The following VPS50 variants were observed in gnomAD, a reference collection of about 807,000 sequenced individuals.
VPS50 encodes VPS50 subunit of EARP/GARPII complex.
VPS50 carries 70 observed loss-of-function variants against 139.7 expected under a neutral mutation model. The observed-to-expected ratio is 0.50, with a 90% CI of 0.41 to 0.61. The LOEUF is 0.61. Ranked by LOEUF, VPS50 falls within the 20% of genes least tolerant of loss-of-function variation. The pLI is 0.00. For synonymous variants in VPS50, 365 were observed against 376.7 expected (o/e 0.97, Z 0.36); for missense variants, 921 against 1,133.7 (o/e 0.81, Z 2.69).
At chr7:93,278,772 G>C (rs888707908) in intron 12 of VPS50, among the ~76,000 whole-genome samples, 3 of 145,436 alleles carry the variant, frequency 2.1e-5, no homozygotes, top group African/African-American at 7.5e-5. Context: ...ATATACGTGT[G>C]ATAGTAGGTG....
At chr7:93,353,378 T>C (rs935107289) in intron 25 of VPS50, among the ~76,000 whole-genome samples, 13 of 152,214 alleles carry the variant, frequency 8.5e-5, no homozygotes, top group African/African-American at 2.7e-4. Context: ...ATTGTTAACA[T>C]TGTTTAATCA....
At chr7:93,349,547 G>A (rs1406916945) in intron 24 of VPS50, among the ~76,000 whole-genome samples, 2 of 152,254 alleles carry the variant, frequency 1.3e-5, no homozygotes, top group East Asian at 1.9e-4. Flanking sequence ...GGGAGAGATG[G>A]TGGAATCCTG....
intron 12 of VPS50, among the ~76,000 whole-genome samples, chr7:93,282,149 A>G (rs916289075): frequency 6.6e-6 from 1 of 151,862 alleles, no homozygotes; most frequent in Non-Finnish European, 1.5e-5. Context: ...GCTTGCCGTG[A>G]GCTGAGATTG....
At chr7:93,322,670 C>T (rs1797652306) in intron 20 of VPS50, among the ~76,000 whole-genome samples, 1 of 151,114 alleles carries the variant, frequency 6.6e-6, no homozygotes, top group Non-Finnish European at 1.5e-5. Context: ...AGAGCCAGCA[C>T]CTGAATTATT....
Position 93,232,478 on chromosome 7 carries a change from T to G in VPS50, c.11T>G (p.Ile4Ser). The G allele has an allele frequency of 6.2e-7, 1 of 1,613,444 alleles. No individual in the cohort carries two copies. The highest frequency in any genetic ancestry group is 8.5e-7 in the Non-Finnish European group (1 of 1,179,646). ...CCTCAGGATTTCGATATGCAAAAAA[T>G]CAAATCTCTCATGACCCGACAGGTA... MQK[I>S]KSLMTRQGLK... The change falls in exon 1 of 28, where the codon ATC becomes AGC. Residue 4 changes from isoleucine (I) to serine (S), a missense_variant. By Grantham distance (142) the Ile-to-Ser change is moderately radical (BLOSUM62 -2). Transcript: ENST00000305866.
At chr7:93,291,655 TAG>T in intron 12 of VPS50, 46 bp from the exon 13 acceptor site, 1 of 1,055,376 alleles carries the variant, frequency 9.5e-7, no homozygotes, top group Non-Finnish European at 1.3e-6. Context: ...TTATAACTGT[TAG>T]AGTAAACATA....
chr7:93,264,335 T>A (rs1457839269), intron 9 of VPS50, among the ~76,000 whole-genome samples: 1 of 152,218 alleles, frequency 6.6e-6, no homozygotes, highest in Non-Finnish European at 1.5e-5. Context: ...TTATTGAGAA[T>A]AAGAATCAGA....
At chr7:93,342,334 C>T (rs913436889) in intron 23 of VPS50, among the ~76,000 whole-genome samples, 2 of 152,200 alleles carry the variant, frequency 1.3e-5, no homozygotes, top group South Asian at 2.1e-4. Context: ...CCCATGCCCA[C>T]GAAGTCTCGC....
chr7:93,257,986 C>G, intron 6 of VPS50, 173 bp from the exon 7 acceptor site: 1 of 487,266 alleles, frequency 2.1e-6, no homozygotes, highest in Non-Finnish European at 3.6e-6. Flanking sequence ...TCGTGGTGTT[C>G]TGAGTAATGC....
intron 16 of VPS50, among the ~76,000 whole-genome samples, chr7:93,303,184 A>G (rs929861036): frequency 1.3e-5 from 2 of 151,990 alleles, no homozygotes; most frequent in Non-Finnish European, 2.9e-5. Flanking sequence ...TTAGTCCTCT[A>G]ATAAAACTGT....
chr7:93,282,654 A>C lies in VPS50; in HGVS notation c.942+6349A>C, dbSNP rs2116913499. Among the ~76,000 whole-genome samples the C allele has an allele frequency of 3.3e-5, 5 of 152,348 alleles. No individual in the cohort carries two copies. In the Middle Eastern group the frequency reaches 0.017, roughly 518 times the overall value. On this transcript the variant is annotated intron_variant, in intron 12 of 27. Coordinates refer to ENST00000305866, the MANE Select transcript of VPS50 (RefSeq NM_017667.4). ...GCATATCAAAAATAATTTGTGTTGC[A>C]TATCAATCAGTCATGTTTGGGATGG...
chr7:93,271,721 T>C (rs1400126010), intron 10 of VPS50, among the ~76,000 whole-genome samples: 1 of 151,702 alleles, frequency 6.6e-6, no homozygotes, highest in Admixed American at 6.6e-5. Flanking sequence ...GGAAGAGATA[T>C]GTAATTATGA....
chr7:93,289,782 T>C (rs1183711975), intron 12 of VPS50, among the ~76,000 whole-genome samples: 1 of 152,098 alleles, frequency 6.6e-6, no homozygotes, highest in East Asian at 1.9e-4. Context: ...TTCATCTAAG[T>C]GATGTGCGAT....
chr7:93,293,421 A>C (rs1003941598), intron 13 of VPS50, among the ~76,000 whole-genome samples: 2 of 152,132 alleles, frequency 1.3e-5, no homozygotes, highest in African/African-American at 4.8e-5. Context: ...ACTGAGTCAA[A>C]GTGAAAACTC....
intron 11 of VPS50, among the ~76,000 whole-genome samples, chr7:93,274,413 C>T (rs981281032): frequency 1.3e-5 from 2 of 152,038 alleles, no homozygotes; most frequent in African/African-American, 4.8e-5. Context: ...TCCTAGGACA[C>T]TTAAGAATTA....
At chr7:93,310,086 A>C (rs1797224244) in intron 19 of VPS50, among the ~76,000 whole-genome samples, 3 of 151,942 alleles carry the variant, frequency 2.0e-5, no homozygotes, top group African/African-American at 7.2e-5. Flanking sequence ...ATTTTGTTGG[A>C]ATTCTTTATT....
At chr7:93,251,571 A>T (rs1795335578) in intron 2 of VPS50, among the ~76,000 whole-genome samples, 1 of 152,134 alleles carries the variant, frequency 6.6e-6, no homozygotes, top group African/African-American at 2.4e-5. Flanking sequence ...AATGTAGATG[A>T]TGAGTTGATG....
At chr7:93,262,738 T>C (rs1019284149) in intron 9 of VPS50, among the ~76,000 whole-genome samples, 1 of 152,192 alleles carries the variant, frequency 6.6e-6, no homozygotes, top group Non-Finnish European at 1.5e-5. Context: ...TGTCTGGTGG[T>C]GATGATAGCC....
chr7:93,320,078 T>C (rs1215498467), intron 20 of VPS50, among the ~76,000 whole-genome samples: 1 of 152,102 alleles, frequency 6.6e-6, no homozygotes, highest in East Asian at 1.9e-4. Context: ...TGATTAGCTA[T>C]TTAGATTTAA....
Sources: gnomAD v4.1 joint callset for allele counts (sites outside exome capture counted in the v4.1 genomes callset) on GRCh38, gnomAD v4.1.1 for gene constraint, MANE v1.5 for transcripts, NCBI Gene and HGNC (gene_info 2026-07-23, HGNC 2026-07-21) for gene names.